NR0B2: variants seen among roughly 807,000 people sequenced by gnomAD.
NR0B2 encodes nuclear receptor SHP.
In NR0B2, 17 loss-of-function variants were observed where a neutral mutation model predicts 18.9. The ratio of observed to expected loss-of-function variants is 0.90; its 90% CI spans 0.62 to 1.35. The LOEUF is 1.35. Ranked by LOEUF, NR0B2 falls within the 40% of genes most tolerant of loss-of-function variation. The pLI is 0.00. For missense variants in NR0B2, 312 were observed against 333.3 expected, an observed-to-expected ratio of 0.94 and a Z score of 0.50; for synonymous variants, 116 against 138.5, an observed-to-expected ratio of 0.84 and a Z score of 1.14.
In NR0B2 at chr1:26,913,927, TGGCTGG is replaced by T; in HGVS notation, c.8_13del (p.Thr3_Gln5delinsLys). ...TCCCTGGCATGGGCAGGCCCCTGGT[TGGCTGG>T]TGCTCATGGTTAGGGATCTGCTCTC... On this transcript the variant is annotated inframe_deletion, in exon 1 of 2. Transcript: ENST00000254227. 1.4e-6 allele frequency: 2 copies of T among 1,478,254 alleles called. No homozygotes were observed. Among genetic ancestry groups the T allele is most frequent in the Non-Finnish European group, 1.8e-6 (2 of 1,112,454 alleles). The allele number at this position is 1,478,254 out of a possible 1,614,324, so 91.6% of individuals were successfully genotyped here.
In NR0B2 at chr1:26,913,797, C is replaced by T. The variant is rs1326095324; in HGVS notation, c.144G>A (p.Gln48=). Residue 48 remains glutamine (Q), a synonymous_variant, in exon 1 of 2, where the codon CAG becomes CAA. Transcript: ENST00000254227. The part of the protein sequence containing the change: ...RCLCRQHRPV[Q]LCAPHRTCRE... The stretch of plus-strand genomic sequence containing the variant: ...GGCAGGTGCGATGAGGTGCACATAG[C>T]TGGACGGGCCGGTGCTGCCTACATA... The T allele has an allele frequency of 4.0e-5, 61 of 1,536,244 alleles. No homozygotes were observed. The highest frequency in any genetic ancestry group is 4.1e-5 in the Non-Finnish European group (47 of 1,140,482).
chr1:26,911,750 C>T lies in NR0B2; in HGVS notation c.*95G>A. 2.7e-6 allele frequency: 4 copies of T among 1,473,566 alleles called. No individual in the cohort carries two copies. The highest frequency in any genetic ancestry group is 3.8e-6 in the Non-Finnish European group (4 of 1,057,500). The allele number at this position is 1,473,566 out of a possible 1,614,324, so 91.3% of individuals were successfully genotyped here. ...CCAAGTGCTGTCTATACAGGCTTGC[C>T]CCCTCCAGGAGCATTGGGTCACCTC... On this transcript the variant is annotated 3_prime_UTR_variant, in exon 2 of 2. Coordinates refer to ENST00000254227, the MANE Select transcript of NR0B2 (RefSeq NM_021969.3).
In NR0B2 at chr1:26,913,924, G is replaced by T; in HGVS notation, c.17C>A (p.Pro6Gln). MSTSQ[P>Q]GACPCQGAAS... ...AGCTCCCTGGCATGGGCAGGCCCCT[G>T]GTTGGCTGGTGCTCATGGTTAGGGA... Residue 6 changes from proline to glutamine, a missense_variant, in exon 1 of 2, where the codon CCA becomes CAA. Physicochemically the swap from Pro to Gln is moderately conservative, Grantham distance 76. Coordinates refer to ENST00000254227, the MANE Select transcript of NR0B2 (RefSeq NM_021969.3). The T allele has an allele frequency of 1.4e-6, 2 of 1,478,706 alleles. No individual in the cohort carries two copies. The highest frequency in any genetic ancestry group is 1.8e-6 in the Non-Finnish European group (2 of 1,112,622). The allele number at this position is 1,478,706 out of a possible 1,614,324, so 91.6% of individuals were successfully genotyped here. A position where few individuals can be genotyped will look rare whatever the true frequency, so the allele number is the denominator to read the frequency against.
Position 26,911,738 on chromosome 1 carries a change from A to G in NR0B2, c.*107T>C, listed in dbSNP as rs1300686737. 7.4e-7 allele frequency: 1 copy of G among 1,353,676 alleles called. No individual in the cohort carries two copies. The highest frequency in any genetic ancestry group is 1.4e-5 in the African/African-American group (1 of 69,864). The allele number at this position is 1,353,676 out of a possible 1,614,324, so 83.9% of individuals were successfully genotyped here. On this transcript the variant is annotated 3_prime_UTR_variant, in exon 2 of 2. Coordinates refer to ENST00000254227, the MANE Select transcript of NR0B2 (RefSeq NM_021969.3). ...GTTCCTAAGGAGCCAAGTGCTGTCT[A>G]TACAGGCTTGCCCCCTCCAGGAGCA... is the stretch of plus-strand genomic sequence containing the variant.
At position 26,911,724 on chromosome 1, in the gene NR0B2, G is replaced by T; in HGVS notation, c.*121C>A. On this transcript the variant is annotated 3_prime_UTR_variant, in exon 2 of 2. Transcript: ENST00000254227. ...CTGAGTGAAGAGCTGTTCCTAAGGA[G>T]CCAAGTGCTGTCTATACAGGCTTGC... 1 of 1,164,062 alleles carries T rather than the reference G, an allele frequency of 8.6e-7. No individual in the cohort carries two copies. Among genetic ancestry groups the T allele is most frequent in the Non-Finnish European group, 1.3e-6 (1 of 785,732 alleles). 72.1% of individuals were successfully genotyped at this position (1,164,062 alleles called of 1,614,324 possible). A position where few individuals can be genotyped will look rare whatever the true frequency, so the allele number is the denominator to read the frequency against.
chr1:26,913,935 G>T lies in NR0B2; in HGVS notation c.6C>A (p.Ser2Arg). 1.4e-6 allele frequency: 2 copies of T among 1,475,510 alleles called. No individual in the cohort carries two copies. The highest frequency in any genetic ancestry group is 1.8e-6 in the Non-Finnish European group (2 of 1,111,042). 91.4% of individuals were successfully genotyped at this position (1,475,510 alleles called of 1,614,324 possible). M[S>R]TSQPGACPCQ... ...ATGGGCAGGCCCCTGGTTGGCTGGT[G>T]CTCATGGTTAGGGATCTGCTCTCAC... Residue 2 changes from serine to arginine, a missense_variant, in exon 1 of 2, where the codon AGC becomes AGA. Physicochemically the swap from Ser to Arg is moderately radical, Grantham distance 110. Transcript: ENST00000254227.
Position 26,913,876 on chromosome 1 carries a change from T to C in NR0B2, c.65A>G (p.Tyr22Cys). The change falls in exon 1 of 2, where the codon TAC (tyrosine) becomes TGC (cysteine). Residue 22 changes from tyrosine to cysteine, a missense_variant. Physicochemically the swap from Tyr to Cys is radical, Grantham distance 194. Coordinates refer to ENST00000254227, the MANE Select transcript of NR0B2 (RefSeq NM_021969.3). The part of the protein sequence containing the change: ...QGAASRPAIL[Y>C]ALLSSSLKAV... Reference sequence around the variant, plus strand: ...CTTGAGGCTGGAGCTCAGAAGTGCGTAGAGAATGGCGGGGCGGCTTGCAGC... The same window carrying C: ...CTTGAGGCTGGAGCTCAGAAGTGCGCAGAGAATGGCGGGGCGGCTTGCAGC... The C allele has an allele frequency of 6.7e-7, 1 of 1,495,370 alleles. No individual in the cohort carries two copies. The highest frequency in any genetic ancestry group is 8.9e-7 in the Non-Finnish European group (1 of 1,120,944). 92.6% of individuals were successfully genotyped at this position (1,495,370 alleles called of 1,614,324 possible).
intron 1 of NR0B2, among the ~76,000 whole-genome samples, chr1:26,912,326 G>C (rs1202416658): frequency 2.0e-5 from 3 of 152,128 alleles, no homozygotes; most frequent in Non-Finnish European, 2.9e-5. Context: ...GGCTTCCTGG[G>C]TATGAATCCC....
rs766056566 is a variant in NR0B2 at position 26,913,554 on chromosome 1, A to G, written c.387T>C (p.Ser129=). 5 of 1,614,050 alleles carry G rather than the reference A, an allele frequency of 3.1e-6. No individual in the cohort carries two copies. The highest frequency in any genetic ancestry group is 4.2e-6 in the Non-Finnish European group (5 of 1,179,956). ...KKILLEEPSS[S]GGSGQLPDRP... ...TGTCTGGCAGTTGGCCACTGCCTCC[A>G]CTGCTGCTGGGCTCCTCCAGCAGAA... The change falls in exon 1 of 2, where the codon AGT becomes AGC. Residue 129 remains serine (S), a synonymous_variant. Coordinates refer to ENST00000254227, the MANE Select transcript of NR0B2 (RefSeq NM_021969.3).
chr1:26,911,860 C>G lies in NR0B2; in HGVS notation c.759G>C (p.Met253Ile), dbSNP rs772662669. The G allele has an allele frequency of 6.2e-7, 1 of 1,614,216 alleles. No homozygotes were observed. The highest frequency in any genetic ancestry group is 1.1e-5 in the South Asian group (1 of 91,084). Residue 253 changes from methionine to isoleucine, a missense_variant, in exon 2 of 2, where the codon ATG becomes ATC. Met to Ile is a conservative substitution (Grantham distance 10). Transcript: ENST00000254227. ...DVDIAGLLGD[M>I]LLLR Reference sequence around the variant, plus strand: ...CTGGAACAGGTCACCTGAGCAAAAGCATGTCCCCAAGAAGGCCAGCGATGT... The same window carrying G: ...CTGGAACAGGTCACCTGAGCAAAAGGATGTCCCCAAGAAGGCCAGCGATGT...
At position 26,911,681 on chromosome 1, in the gene NR0B2, G is replaced by T; in HGVS notation, c.*164C>A. The T allele has an allele frequency of 1.2e-6, 1 of 807,496 alleles. No individual in the cohort carries two copies. The highest frequency in any genetic ancestry group is 2.1e-6 in the Non-Finnish European group (1 of 484,912). The allele number at this position is 807,496 out of a possible 1,614,324, so 50.0% of individuals were successfully genotyped here. A position where few individuals can be genotyped will look rare whatever the true frequency, so the allele number is the denominator to read the frequency against. On this transcript the variant is annotated 3_prime_UTR_variant, in exon 2 of 2. Transcript: ENST00000254227. ...GGAACACTGTGTCCAAACCAAGGAA[G>T]TCCAATGTGGGGTGTGGCTGAGTGA...
chr1:26,912,559 A>G (rs2082034987), intron 1 of NR0B2, among the ~76,000 whole-genome samples: 1 of 152,148 alleles, frequency 6.6e-6, no homozygotes, highest in Admixed American at 6.5e-5. Context: ...AATTACTACG[A>G]TTTATGCGTG....
At position 26,911,644 on chromosome 1, in the gene NR0B2, TC is replaced by T; in HGVS notation, c.*200del. 1 of 633,930 alleles carries T rather than the reference TC, an allele frequency of 1.6e-6. No individual in the cohort carries two copies. The highest frequency in any genetic ancestry group is 2.8e-6 in the Non-Finnish European group (1 of 355,122). The allele number at this position is 633,930 out of a possible 1,614,324, so 39.3% of individuals were successfully genotyped here. On this transcript the variant is annotated 3_prime_UTR_variant, in exon 2 of 2. Transcript: ENST00000254227. ...GAGGCTGTGGGGACCACCAAAAGCC[TC>T]CCAGGCAGCTGGAACACTGTGTCCA...
At position 26,912,067 on chromosome 1, in the gene NR0B2, G is replaced by A. The variant is rs776745107; in HGVS notation, c.552C>T (p.Ala184=). The change falls in exon 2 of 2, where the codon GCC becomes GCT. Residue 184 remains alanine (A), a synonymous_variant. Coordinates refer to ENST00000254227, the MANE Select transcript of NR0B2 (RefSeq NM_021969.3). ...LFNPDVPGLQ[A]ASHIGHLQQE... is the part of the protein sequence containing the mutation. ...GCTGCAGGTGCCCAATGTGGGAGGC[G>A]GCTTGGAGGCCTGGCACATCTGTGG... is the stretch of plus-strand genomic sequence containing the variant. The A allele has an allele frequency of 6.8e-6, 11 of 1,613,692 alleles. No individual in the cohort carries two copies. Among genetic ancestry groups the A allele is most frequent in the East Asian group, 2.2e-5 (1 of 44,876 alleles).
Position 26,913,724 on chromosome 1 carries a change from G to T in NR0B2, c.217C>A (p.Leu73Met). 1 of 1,606,874 alleles carries T rather than the reference G, an allele frequency of 6.2e-7. No individual in the cohort carries two copies. Among genetic ancestry groups the T allele is most frequent in the Non-Finnish European group, 8.5e-7 (1 of 1,175,232 alleles). The stretch of plus-strand genomic sequence containing the variant: ...GGAGGCAGCTGCCAGAAGGATGGCA[G>T]GTTCCTGAGGAAGGCCACTGTCTTG... Reference protein sequence around the residue: ...LAKTVAFLRNLPSFWQLPPQD... With the variant: ...LAKTVAFLRNMPSFWQLPPQD... The change falls in exon 1 of 2, where the codon CTG becomes ATG. Residue 73 changes from leucine to methionine, a missense_variant. By Grantham distance (15) the Leu-to-Met change is conservative (BLOSUM62 2). Coordinates refer to ENST00000254227, the MANE Select transcript of NR0B2 (RefSeq NM_021969.3).
rs1194113603 is a variant in NR0B2, at chr1:26,913,806, C to T, written c.135G>A (p.Arg45=). 2 of 1,526,738 alleles carry T rather than the reference C, an allele frequency of 1.3e-6. No homozygotes were observed. Among genetic ancestry groups the T allele is most frequent in the Non-Finnish European group, 1.8e-6 (2 of 1,135,962 alleles). The allele number at this position is 1,526,738 out of a possible 1,614,324, so 94.6% of individuals were successfully genotyped here. A position where few individuals can be genotyped will look rare whatever the true frequency, so the allele number is the denominator to read the frequency against. Residue 45 remains arginine, a synonymous_variant, in exon 1 of 2, where the codon CGG becomes CGA. Coordinates refer to ENST00000254227, the MANE Select transcript of NR0B2 (RefSeq NM_021969.3). The part of the protein sequence containing the change: ...PRSRCLCRQH[R]PVQLCAPHRT... ...GATGAGGTGCACATAGCTGGACGGG[C>T]CGGTGCTGCCTACATAGGCAGCGGC... is the stretch of plus-strand genomic sequence containing the variant.
rs1475506290 is a variant in NR0B2 at position 26,913,777 on chromosome 1, G to A, written c.164C>T (p.Thr55Ile). Reference protein sequence around the residue: ...RPVQLCAPHRTCREALDVLAK... With the variant: ...RPVQLCAPHRICREALDVLAK... ...CAGAACATCCAAGGCCTCCCGGCAG[G>A]TGCGATGAGGTGCACATAGCTGGAC... The change falls in exon 1 of 2, where the codon ACC becomes ATC. Residue 55 changes from threonine (T) to isoleucine (I), a missense_variant. Physicochemically the swap from Thr to Ile is moderately conservative, Grantham distance 89 (BLOSUM62 -1). Coordinates refer to ENST00000254227, the MANE Select transcript of NR0B2 (RefSeq NM_021969.3). The A allele has an allele frequency of 1.3e-6, 2 of 1,558,566 alleles. No individual in the cohort carries two copies. Among genetic ancestry groups the A allele is most frequent in the East Asian group, 2.3e-5 (1 of 43,930 alleles).
intron 1 of NR0B2, 108 bp from the exon 2 acceptor site, chr1:26,912,194 T>C (rs2082032165): frequency 1.4e-6 from 2 of 1,409,506 alleles, no homozygotes; most frequent in Non-Finnish European, 1.9e-6. Context: ...CTGCCTCCTT[T>C]GCTCGGCCTT....
chr1:26,912,159 G>A (rs1375470365), intron 1 of NR0B2, 73 bp from the exon 2 acceptor site: 2 of 1,582,066 alleles, frequency 1.3e-6, no homozygotes, highest in East Asian at 2.3e-5. Context: ...ACTGGCCCAA[G>A]ATCTGGGCCA....
Sources: allele counts gnomAD v4.1 joint callset (sites outside exome capture counted in the v4.1 genomes callset), GRCh38; gene constraint gnomAD v4.1.1; transcripts MANE v1.5; gene names NCBI Gene and HGNC (gene_info 2026-07-23, HGNC 2026-07-21).